Variants in PDE1C observed in about 807,000 individuals in gnomAD.
PDE1C encodes the protein dual specificity calcium/calmodulin-dependent 3',5'-cyclic nucleotide phosphodiesterase 1C.
PDE1C carries 62 observed loss-of-function variants against 93.1 expected under a neutral mutation model. That is an observed-to-expected ratio of 0.67 (90% CI 0.54 to 0.82). PDE1C has a LOEUF of 0.82. Ranked by LOEUF, PDE1C falls within the 40% of genes least tolerant of loss-of-function variation. The pLI is 0.00. For missense variants in PDE1C, 742 were observed against 884.6 expected (o/e 0.84, Z 2.04); for synonymous variants, 325 against 310.1 (o/e 1.05, Z -0.50).
At chr7:31,658,432 A>G in the PDE1C span, 6 of 1,441,646 alleles carry the variant, frequency 4.2e-6, no homozygotes, top group African/African-American at 7.1e-5. Context: ...TTTCCAGAGT[A>G]TAACACATGT....
intron 1 of PDE1C, among the ~76,000 whole-genome samples, chr7:32,275,327 C>T (rs1490890425): frequency 6.6e-6 from 1 of 152,144 alleles, no homozygotes; most frequent in Non-Finnish European, 1.5e-5. Flanking sequence ...ATAAAAACTT[C>T]TCTGCAGGAT....
chr7:31,845,006 A>T (rs1240046918), intron 9 of PDE1C, among the ~76,000 whole-genome samples: 1 of 151,210 alleles, frequency 6.6e-6, no homozygotes, highest in Non-Finnish European at 1.5e-5. Flanking sequence ...TTTTTAATTT[A>T]TGTTTTCATT....
chr7:32,340,742 A>G (rs1022863959), intron 1 of PDE1C, among the ~76,000 whole-genome samples: 3 of 152,232 alleles, frequency 2.0e-5, no homozygotes, highest in Non-Finnish European at 4.4e-5. Flanking sequence ...GCCAATATGA[A>G]AATGCTAAAT....
intron 3 of PDE1C, among the ~76,000 whole-genome samples, chr7:32,085,587 T>C (rs13227716): frequency 0.89 from 128,262 of 143,822 alleles, 57,343 homozygotes; most frequent in East Asian, 0.99. Flanking sequence ...TGATGAACAT[T>C]GATGCAAAAA....
intron 2 of PDE1C, among the ~76,000 whole-genome samples, chr7:31,978,640 C>A (rs539268686): frequency 2.6e-5 from 4 of 152,296 alleles, no homozygotes; most frequent in African/African-American, 9.6e-5. Context: ...ACCTTCACAG[C>A]AACCTGTAGA....
intron 1 of PDE1C, among the ~76,000 whole-genome samples, chr7:32,420,184 T>C (rs1390395819): frequency 7.3e-5 from 3 of 40,922 alleles, no homozygotes; most frequent in African/African-American, 2.2e-4. Flanking sequence ...TATATACACA[T>C]ATATATGTGT....
intron 2 of PDE1C, among the ~76,000 whole-genome samples, chr7:32,170,533 G>A (rs1246380892): frequency 6.6e-6 from 1 of 152,184 alleles, no homozygotes; most frequent in East Asian, 1.9e-4. Context: ...GATCTGCCAG[G>A]TGATCAAGAT....
the PDE1C span, among the ~76,000 whole-genome samples, chr7:31,724,957 C>G: frequency 5.3e-5 from 8 of 152,176 alleles, no homozygotes; most frequent in Non-Finnish European, 1.2e-4. Flanking sequence ...TCAGCCCATA[C>G]AGAGACAGGA....
At chr7:32,368,077 CA>C (rs1288616925) in intron 1 of PDE1C, among the ~76,000 whole-genome samples, 1 of 152,036 alleles carries the variant, frequency 6.6e-6, no homozygotes, top group Non-Finnish European at 1.5e-5. Context: ...ATGCCTGGAA[CA>C]AGACAAGGGT....
intron 16 of PDE1C, chr7:31,789,846 G>A (rs1045565698): frequency 3.0e-6 from 3 of 1,015,708 alleles, no homozygotes; most frequent in African/African-American, 1.7e-5. Context: ...GGCAATTACT[G>A]TGTGTGTGGC....
At chr7:32,233,863 G>T (rs1246255523) in intron 1 of PDE1C, among the ~76,000 whole-genome samples, 1 of 151,888 alleles carries the variant, frequency 6.6e-6, no homozygotes, top group African/African-American at 2.4e-5. Context: ...AAAACTAGCA[G>T]AACAGAACAT....
chr7:32,009,479 A>G (rs1371760887), intron 2 of PDE1C, among the ~76,000 whole-genome samples: 1 of 152,226 alleles, frequency 6.6e-6, no homozygotes, highest in East Asian at 1.9e-4. Context: ...TTGTACTACA[A>G]CATCTGAGTG....
At chr7:32,321,151 C>T (rs983546516) in intron 1 of PDE1C, among the ~76,000 whole-genome samples, 13 of 152,162 alleles carry the variant, frequency 8.5e-5, no homozygotes. Flanking sequence ...GAGAATTACA[C>T]CAACCTCAAT....
the PDE1C span, among the ~76,000 whole-genome samples, chr7:31,739,741 C>T: frequency 6.6e-6 from 1 of 152,122 alleles, no homozygotes; most frequent in South Asian, 2.1e-4. Flanking sequence ...GTTTGGTGAA[C>T]ACTCAGTCAG....
At chr7:32,150,706 A>G (rs1034959029) in intron 3 of PDE1C, among the ~76,000 whole-genome samples, 3 of 152,226 alleles carry the variant, frequency 2.0e-5, no homozygotes, top group African/African-American at 4.8e-5. Context: ...ATGTATGCAA[A>G]GCACTTCGAA....
intron 9 of PDE1C, among the ~76,000 whole-genome samples, chr7:31,846,805 A>C (rs1266967198): frequency 6.6e-6 from 1 of 152,128 alleles, no homozygotes; most frequent in Non-Finnish European, 1.5e-5. Context: ...TGATTAATTG[A>C]ATTGCTCTGC....
chr7:32,394,028 T>G (rs1199046371), intron 1 of PDE1C, among the ~76,000 whole-genome samples: 3 of 152,302 alleles, frequency 2.0e-5, no homozygotes, highest in Non-Finnish European at 4.4e-5. Flanking sequence ...TACTAGTGAC[T>G]CAGAAGTGAT....
chr7:32,302,632 T>C (rs140187362), upstream of PDE1C, among the ~76,000 whole-genome samples: 495 of 152,374 alleles, frequency 3.2e-3, 3 homozygotes, highest in African/African-American at 0.011. Context: ...CATGTCTCTA[T>C]ATAAGAGAAA....
intron 2 of PDE1C, among the ~76,000 whole-genome samples, chr7:32,029,256 CA>C (rs1789935392): frequency 2.4e-4 from 1 of 4,250 alleles, no homozygotes; most frequent in African/African-American, 1.5e-3. Context: ...TAAATTAGTA[CA>C]GTACAGCCAT....
Sources: allele counts gnomAD v4.1 joint callset (sites outside exome capture counted in the v4.1 genomes callset), GRCh38; gene constraint gnomAD v4.1.1; transcripts MANE v1.5; gene names NCBI Gene and HGNC (gene_info 2026-07-23, HGNC 2026-07-21).